PLCXD3: variants seen among roughly 807,000 people sequenced by gnomAD.
PLCXD3 encodes PI-PLC X domain-containing protein 3.
PLCXD3 carries 19 observed loss-of-function variants against 25.5 expected under a neutral mutation model. The ratio of observed to expected loss-of-function variants is 0.75; its 90% CI spans 0.52 to 1.09. The LOEUF is 1.09. PLCXD3 is among the 50% of genes least tolerant of loss of function. The probability of loss-of-function intolerance (pLI) is 0.00; values close to 1 mark genes in which losing one functional copy is unlikely to be tolerated. For missense variants in PLCXD3, 411 were observed against 388.1 expected (o/e 1.06, Z -0.50); for synonymous variants, 174 against 137.6 (o/e 1.26, Z -1.85).
At chr5:41,434,135 G>A (rs1308341836) in intron 1 of PLCXD3, among the ~76,000 whole-genome samples, 1 of 152,178 alleles carries the variant, frequency 6.6e-6, no homozygotes, top group Non-Finnish European at 1.5e-5. Context: ...GCCAATAACT[G>A]TGGATCCTTG....
chr5:41,332,263 C>T (rs1175767710), intron 2 of PLCXD3, among the ~76,000 whole-genome samples: 1 of 151,938 alleles, frequency 6.6e-6, no homozygotes, highest in East Asian at 1.9e-4. Flanking sequence ...AACAAACAAC[C>T]CCATCAAAAA....
At chr5:41,370,718 C>A (rs527930479) in intron 2 of PLCXD3, among the ~76,000 whole-genome samples, 7 of 152,252 alleles carry the variant, frequency 4.6e-5, no homozygotes, top group Admixed American at 2.0e-4. Flanking sequence ...CGCAAGCCCT[C>A]AGGGGCACCC....
At position 41,371,518 on chromosome 5, in the gene PLCXD3, G is replaced by A. The variant is rs117836610; in HGVS notation, c.812+10308C>T. The stretch of plus-strand genomic sequence containing the variant: ...AAATATAGACTTGTCCTTGCTTTCT[G>A]ACAGCATCTGATCTACAGCAAACCC... On this transcript the variant is annotated intron_variant, in intron 2 of 2. Transcript: ENST00000377801. Among the ~76,000 whole-genome samples the A allele has an allele frequency of 3.7e-4, 56 of 152,198 alleles. No homozygotes were observed. In the East Asian group the frequency reaches 7.2e-3, roughly 19 times the overall value.
intron 1 of PLCXD3, among the ~76,000 whole-genome samples, chr5:41,414,863 T>A (rs954403040): frequency 6.6e-6 from 1 of 152,236 alleles, no homozygotes; most frequent in African/African-American, 2.4e-5. Context: ...AGTTATCAGA[T>A]CAACTGTCAA....
intron 1 of PLCXD3, among the ~76,000 whole-genome samples, chr5:41,498,874 T>C (rs566188): frequency 0.11 from 16,903 of 151,668 alleles, 1,354 homozygotes; most frequent in African/African-American, 0.23. Context: ...TAATGTGATA[T>C]ACCATGTAAA....
intron 2 of PLCXD3, among the ~76,000 whole-genome samples, chr5:41,366,684 A>G (rs1744946182): frequency 6.6e-6 from 1 of 152,216 alleles, no homozygotes; most frequent in South Asian, 2.1e-4. Flanking sequence ...TCAGGGCTCC[A>G]TGTGGAGGAT....
intron 1 of PLCXD3, among the ~76,000 whole-genome samples, chr5:41,501,574 A>G (rs1748951476): frequency 6.6e-6 from 1 of 152,022 alleles, no homozygotes; most frequent in Non-Finnish European, 1.5e-5. Flanking sequence ...ACAGGTATCA[A>G]GTTTTAGTCA....
chr5:41,322,418 A>G (rs1310215239), intron 2 of PLCXD3, among the ~76,000 whole-genome samples: 1 of 152,210 alleles, frequency 6.6e-6, no homozygotes, highest in African/African-American at 2.4e-5. Flanking sequence ...CAAATGCTGG[A>G]GGGGACATGG....
intron 1 of PLCXD3, among the ~76,000 whole-genome samples, chr5:41,461,735 A>G (rs1698743422): frequency 6.6e-6 from 1 of 152,004 alleles, no homozygotes; most frequent in Non-Finnish European, 1.5e-5. Flanking sequence ...GAAGCAGCTT[A>G]TTCTGCTCCC....
intron 1 of PLCXD3, among the ~76,000 whole-genome samples, chr5:41,501,232 A>G (rs532937711): frequency 2.0e-5 from 3 of 152,044 alleles, no homozygotes; most frequent in Admixed American, 1.3e-4. Flanking sequence ...TGAAATTGAG[A>G]TCTTGAATCG....
intron 1 of PLCXD3, among the ~76,000 whole-genome samples, chr5:41,399,244 A>G (rs1746104812): frequency 6.6e-6 from 1 of 152,242 alleles, no homozygotes; most frequent in East Asian, 1.9e-4. Flanking sequence ...TGGAAGAATC[A>G]CTATTGTGAA....
chr5:41,419,045 T>C (rs1480941373), intron 1 of PLCXD3, among the ~76,000 whole-genome samples: 2 of 152,176 alleles, frequency 1.3e-5, no homozygotes, highest in African/African-American at 4.8e-5. Flanking sequence ...TAGGTTTTAC[T>C]TTATGTTATT....
At chr5:41,375,079 G>A (rs1426859687) in intron 2 of PLCXD3, among the ~76,000 whole-genome samples, 1 of 152,054 alleles carries the variant, frequency 6.6e-6, no homozygotes, top group East Asian at 1.9e-4. Flanking sequence ...TAGGAGGGTT[G>A]TGAGCTGGAG....
chr5:41,466,009 A>G (rs911448205), intron 1 of PLCXD3, among the ~76,000 whole-genome samples: 3 of 152,052 alleles, frequency 2.0e-5, no homozygotes, highest in Non-Finnish European at 2.9e-5. Context: ...TTGCAAACAC[A>G]AAGAGAAACA....
intron 1 of PLCXD3, among the ~76,000 whole-genome samples, chr5:41,470,628 A>G (rs914142425): frequency 2.0e-5 from 3 of 152,198 alleles, no homozygotes; most frequent in Non-Finnish European, 2.9e-5. Flanking sequence ...ATGCCACTAA[A>G]CAGTAAAAAT....
chr5:41,442,176 T>A (rs1747399014), intron 1 of PLCXD3, among the ~76,000 whole-genome samples: 2 of 152,216 alleles, frequency 1.3e-5, no homozygotes, highest in South Asian at 4.1e-4. Flanking sequence ...GCCCTCTCTA[T>A]GCCATGATAA....
intron 1 of PLCXD3, among the ~76,000 whole-genome samples, chr5:41,415,536 C>A (rs556699774): frequency 6.6e-6 from 1 of 152,272 alleles, no homozygotes; most frequent in Admixed American, 6.5e-5. Flanking sequence ...TTTCCTCTGA[C>A]TATTTAGTTC....
chr5:41,482,000 T>C (rs189980406), intron 1 of PLCXD3, among the ~76,000 whole-genome samples: 1 of 152,340 alleles, frequency 6.6e-6, no homozygotes, highest in East Asian at 1.9e-4. Context: ...GGACGTATGA[T>C]GGGCTATCAG....
chr5:41,363,787 T>C (rs1373761767), intron 2 of PLCXD3, among the ~76,000 whole-genome samples: 1 of 152,238 alleles, frequency 6.6e-6, no homozygotes. Context: ...AAAATTATTC[T>C]TAAAATTGCT....
Sources: gnomAD v4.1 joint callset for allele counts (sites outside exome capture counted in the v4.1 genomes callset) on GRCh38, gnomAD v4.1.1 for gene constraint, MANE v1.5 for transcripts, NCBI Gene and HGNC (gene_info 2026-07-23, HGNC 2026-07-21) for gene names.